Variants in CUL2 observed in about 807,000 individuals in gnomAD.
CUL2 encodes cullin-2.
In CUL2, 22 loss-of-function variants were observed where a neutral mutation model predicts 110.2. That is an observed-to-expected ratio of 0.20 (90% CI 0.14 to 0.28). The LOEUF (loss-of-function observed/expected upper bound fraction) is 0.28, where lower values mean the gene tolerates loss of function less well. CUL2 is among the 10% of genes least tolerant of loss of function. The probability of loss-of-function intolerance (pLI) is 1.00; values close to 1 mark genes in which losing one functional copy is unlikely to be tolerated. For missense variants in CUL2, 631 were observed against 905.5 expected, an observed-to-expected ratio of 0.70 and a Z score of 3.89; for synonymous variants, 279 against 293.2, an observed-to-expected ratio of 0.95 and a Z score of 0.49.
intron 1 of CUL2, among the ~76,000 whole-genome samples, chr10:35,101,349 A>G (rs1180884762): frequency 3.3e-5 from 5 of 152,194 alleles, no homozygotes; most frequent in Admixed American, 6.5e-5. Flanking sequence ...CGGGTCTACC[A>G]TTGTAGAAAA....
chr10:35,111,193 C>T (rs1296224006), intron 1 of CUL2, among the ~76,000 whole-genome samples: 2 of 152,004 alleles, frequency 1.3e-5, no homozygotes, highest in African/African-American at 2.4e-5. Flanking sequence ...AGCAAGTTTA[C>T]AGGGAGAACA....
intron 16 of CUL2, among the ~76,000 whole-genome samples, chr10:35,026,200 C>A (rs2085332349): frequency 6.6e-6 from 1 of 152,194 alleles, no homozygotes; most frequent in African/African-American, 2.4e-5. Flanking sequence ...AGCAGATCCA[C>A]CAATCCCTTT....
chr10:35,061,664 CA>C (rs777943240), intron 3 of CUL2, among the ~76,000 whole-genome samples: 19 of 151,828 alleles, frequency 1.3e-4, no homozygotes, highest in Non-Finnish European at 2.1e-4. Context: ...GATAAATGAT[CA>C]CATTAGAACA....
chr10:35,075,965 TAA>T (rs1483282141), intron 1 of CUL2, among the ~76,000 whole-genome samples: 3 of 152,148 alleles, frequency 2.0e-5, no homozygotes, highest in Non-Finnish European at 4.4e-5. Flanking sequence ...CATATTCACA[TAA>T]AAACTGGTAC....
At chr10:35,064,784 CCTT>C (rs1197140820) in intron 2 of CUL2, among the ~76,000 whole-genome samples, 2 of 152,118 alleles carry the variant, frequency 1.3e-5, no homozygotes, top group Non-Finnish European at 2.9e-5. Flanking sequence ...CTCAGGCAAT[CCTT>C]CTGCCTCGGC....
At chr10:35,045,774 G>A (rs1190929276) in intron 6 of CUL2, among the ~76,000 whole-genome samples, 4 of 152,028 alleles carry the variant, frequency 2.6e-5, no homozygotes, top group Non-Finnish European at 4.4e-5. Flanking sequence ...TAAAGCCACA[G>A]TAAAATAATC....
intron 3 of CUL2, among the ~76,000 whole-genome samples, chr10:35,061,896 C>T (rs2086392505): frequency 1.3e-5 from 2 of 151,816 alleles, no homozygotes; most frequent in Non-Finnish European, 2.9e-5. Context: ...GTGTAAGCCA[C>T]CGCACCAGGC....
At chr10:35,070,344 T>C (rs900299613) in intron 2 of CUL2, among the ~76,000 whole-genome samples, 1 of 152,212 alleles carries the variant, frequency 6.6e-6, no homozygotes, top group African/African-American at 2.4e-5. Flanking sequence ...TCTAAAGAAC[T>C]TTACTCTTCT....
At chr10:35,078,926 C>A (rs930994141) in intron 1 of CUL2, among the ~76,000 whole-genome samples, 13 of 151,998 alleles carry the variant, frequency 8.6e-5, no homozygotes, top group African/African-American at 2.7e-4. Context: ...AGTTAAGACA[C>A]CATAATTAGT....
At chr10:35,113,101 T>C (rs1321180274) in intron 1 of CUL2, among the ~76,000 whole-genome samples, 1 of 141,914 alleles carries the variant, frequency 7.0e-6, no homozygotes, top group East Asian at 2.0e-4. Flanking sequence ...GAGAATGGCT[T>C]GAATCCGGGA....
At chr10:35,028,761 C>T (rs774069037) in intron 16 of CUL2, 49 bp downstream of exon 16, 5 of 1,216,112 alleles carry the variant, frequency 4.1e-6, no homozygotes, top group Non-Finnish European at 6.0e-6. Flanking sequence ...AATATGAAGA[C>T]AATTATTAAA....
At chr10:35,019,765 A>G (rs1400054803) in intron 17 of CUL2, among the ~76,000 whole-genome samples, 1 of 152,208 alleles carries the variant, frequency 6.6e-6, no homozygotes, top group Non-Finnish European at 1.5e-5. Flanking sequence ...CTACTCTCTC[A>G]GGGCAAGTTG....
intron 14 of CUL2, among the ~76,000 whole-genome samples, chr10:35,030,479 C>T (rs963887988): frequency 1.3e-5 from 2 of 152,024 alleles, no homozygotes; most frequent in African/African-American, 4.8e-5. Context: ...ATGTCCCAGG[C>T]TCCAGCAATC....
chr10:35,044,457 C>A, intron 8 of CUL2, 109 bp downstream of exon 8: 3 of 615,828 alleles, frequency 4.9e-6, no homozygotes, highest in South Asian at 2.7e-5. Flanking sequence ...ATTAAATAAA[C>A]AGAATATTTT....
chr10:35,025,108 C>T (rs1461821325), intron 17 of CUL2, 24 bp downstream of exon 17: 4 of 1,462,114 alleles, frequency 2.7e-6, no homozygotes, highest in South Asian at 1.5e-5. Flanking sequence ...TTCATTAAGC[C>T]AGATATAATT....
At chr10:35,044,360 ATGAAAACTGGAAGGG>A (rs1385508188) in intron 8 of CUL2, among the ~76,000 whole-genome samples, 191 bp downstream of exon 8, 3 of 152,314 alleles carry the variant, frequency 2.0e-5, no homozygotes, top group Admixed American at 1.3e-4. Context: ...ATCAATTATG[ATGAAAACTGGAAGGG>A]TATTGTAAAG....
intron 4 of CUL2, among the ~76,000 whole-genome samples, chr10:35,055,916 C>G (rs2086231382): frequency 1.3e-5 from 2 of 152,122 alleles, no homozygotes; most frequent in African/African-American, 2.4e-5. Context: ...TGCCCCATCC[C>G]AGATATTCTG....
upstream of CUL2, among the ~76,000 whole-genome samples, chr10:35,092,104 G>A (rs548375595): frequency 1.2e-4 from 19 of 152,092 alleles, no homozygotes; most frequent in South Asian, 2.1e-3. Flanking sequence ...AGGCGCGTGC[G>A]CCACCACACC....
intron 16 of CUL2, among the ~76,000 whole-genome samples, chr10:35,026,233 A>G (rs2085332810): frequency 2.0e-5 from 3 of 152,228 alleles, no homozygotes; most frequent in Admixed American, 2.0e-4. Flanking sequence ...GGAGATGACT[A>G]GCACCTGGAA....
Sources: gnomAD v4.1 joint callset for allele counts (sites outside exome capture counted in the v4.1 genomes callset) on GRCh38, gnomAD v4.1.1 for gene constraint, MANE v1.5 for transcripts, NCBI Gene and HGNC (gene_info 2026-07-23, HGNC 2026-07-21) for gene names.